Variants in GTPBP3 observed in about 807,000 individuals in gnomAD.
GTPBP3 encodes the protein 5-taurinomethyluridine-[tRNA] synthase subunit GTPB3, mitochondrial.
Under a neutral mutation model 42.0 loss-of-function variants are expected in GTPBP3, and 35 were observed. The observed-to-expected ratio is 0.83, with a 90% CI of 0.64 to 1.10. The LOEUF is 1.10. Ranked by LOEUF, GTPBP3 falls within the 50% of genes least tolerant of loss-of-function variation. The pLI, the probability that GTPBP3 is intolerant of heterozygous loss-of-function variation, is 0.00. For synonymous variants in GTPBP3, 332 were observed against 314.9 expected (o/e 1.05, Z -0.58); for missense variants, 691 against 685.2 (o/e 1.01, Z -0.09).
chr19:17,338,722 G>A lies in GTPBP3; in HGVS notation c.572G>A (p.Trp191Ter). The change falls in exon 4 of 9, where the codon TGG becomes TAG. Residue 191 changes from tryptophan (W) to a stop codon, truncating the protein, a stop_gained. Coordinates refer to ENST00000324894, the MANE Select transcript of GTPBP3 (RefSeq NM_032620.4). LOFTEE classifies it high-confidence loss of function. ...DGELGHLCRGWAETLTKALAH... is the reference protein window; with the variant it reads ...DGELGHLCRG The stretch of plus-strand genomic sequence containing the variant: ...GAGCTGGGCCACCTCTGCCGTGGCT[G>A]GGCCGAGACCCTCACCAAAGCAAGT... 5 of 1,611,170 alleles carry A rather than the reference G, an allele frequency of 3.1e-6. No individual in the cohort carries two copies. Among genetic ancestry groups the A allele is most frequent in the Non-Finnish European group, 4.2e-6 (5 of 1,178,108 alleles).
chr19:17,341,147 C>G lies in GTPBP3; in HGVS notation c.1078C>G (p.Gln360Glu), dbSNP rs2074427161. The G allele has an allele frequency of 3.7e-6, 6 of 1,613,592 alleles. No individual in the cohort carries two copies. Among genetic ancestry groups the G allele is most frequent in the Non-Finnish European group, 5.1e-6 (6 of 1,180,022 alleles). Residue 360 changes from glutamine to glutamate, a missense_variant, in exon 8 of 9, where the codon CAG (glutamine) becomes GAG (glutamate). Coordinates refer to ENST00000324894, the MANE Select transcript of GTPBP3 (RefSeq NM_032620.4). ...LATVVASVGA[Q>E]SPSDSSQRLL... is the part of the protein sequence containing the mutation. ...CACCGTCGTAGCCTCTGTGGGAGCC[C>G]AGAGCCCCAGTGACAGCAGCCAGCG... is the stretch of plus-strand genomic sequence containing the variant.
chr19:17,341,728 A>AGCT lies in GTPBP3; in HGVS notation c.*28_*30dup. The AGCT allele has an allele frequency of 6.5e-7, 1 of 1,535,256 alleles. No homozygotes were observed. The highest frequency in any genetic ancestry group is 1.2e-5 in the South Asian group (1 of 80,666). On this transcript the variant is annotated 3_prime_UTR_variant, in exon 9 of 9. Transcript: ENST00000324894. ...ACGGGATCCAGGGAAGTCGCACCCA[A>AGCT]GCTGCGTGGAGACCCAGGAGCCTCG...
chr19:17,338,136 C>G lies in GTPBP3; in HGVS notation c.182C>G (p.Ala61Gly). Residue 61 changes from alanine (A) to glycine (G), a missense_variant, in exon 2 of 9, where the codon GCC becomes GGC. By Grantham distance (60) the Ala-to-Gly change is moderately conservative. Coordinates refer to ENST00000324894, the MANE Select transcript of GTPBP3 (RefSeq NM_032620.4). Reference protein sequence around the residue: ...IRTSGPASGHALRILTAPRDL... With the variant: ...IRTSGPASGHGLRILTAPRDL... The stretch of plus-strand genomic sequence containing the variant: ...ACCAGCGGCCCCGCCAGCGGCCACG[C>G]CCTCCGAATTCTCACAGCACCCCGA... The G allele has an allele frequency of 6.3e-7, 1 of 1,596,420 alleles. No homozygotes were observed. The highest frequency in any genetic ancestry group is 8.5e-7 in the Non-Finnish European group (1 of 1,178,174).
Position 17,338,943 on chromosome 19 carries a change from TGCCCCGCCAGGCTCTG to T in GTPBP3, c.592-6_601del. On this transcript the variant is annotated splice_acceptor_variant and splice_polypyrimidine_tract_variant and coding_sequence_variant and intron_variant, in exon 5 of 9. Coordinates refer to ENST00000324894, the MANE Select transcript of GTPBP3 (RefSeq NM_032620.4). LOFTEE classifies it high-confidence loss of function. ...GTGCACACACCACCTCTGCTCTCCC[TGCCCCGCCAGGCTCTG>T]GCCCACGTGGAGGCCTATATCGATT... 6.3e-7 allele frequency: 1 copy of T among 1,585,430 alleles called. No individual in the cohort carries two copies. The highest frequency in any genetic ancestry group is 8.6e-7 in the Non-Finnish European group (1 of 1,163,278).
chr19:17,338,094 G>A lies in GTPBP3; in HGVS notation c.140G>A (p.Gly47Asp), dbSNP rs1330352858. 1 of 1,596,898 alleles carries A rather than the reference G, an allele frequency of 6.3e-7. No individual in the cohort carries two copies. The highest frequency in any genetic ancestry group is 8.5e-7 in the Non-Finnish European group (1 of 1,178,990). ...CTAAGCTCTGGCCAAGGCCGCTGCGGCATCGCAGTGATCCGGACCAGCGGC... is the reference window on the plus strand; with the variant it reads ...CTAAGCTCTGGCCAAGGCCGCTGCGACATCGCAGTGATCCGGACCAGCGGC... The part of the protein sequence containing the change: ...FALSSGQGRC[G>D]IAVIRTSGPA... Residue 47 changes from glycine to aspartate, a missense_variant, in exon 2 of 9, where the codon GGC becomes GAC. By Grantham distance (94) the Gly-to-Asp change is moderately conservative. Transcript: ENST00000324894.
At chr19:17,340,798 C>CTGCTGCTGTCCTGTCTGACGG in intron 7 of GTPBP3, 12 of 561,130 alleles carry the variant, frequency 2.1e-5, no homozygotes, top group South Asian at 8.6e-5. Context: ...GCTCCCGCAC[C>CTGCTGCTGTCCTGTCTGACGG]GTGACCGCTC....
chr19:17,339,269 G>A lies in GTPBP3; in HGVS notation c.808+3G>A, dbSNP rs759934387. 31 of 1,599,002 alleles carry A rather than the reference G, an allele frequency of 1.9e-5. No individual in the cohort carries two copies. Among genetic ancestry groups the A allele is most frequent in the South Asian group, 1.9e-4 (17 of 90,140 alleles). On this transcript the variant is annotated splice_donor_region_variant and intron_variant, in intron 6 of 8. Coordinates refer to ENST00000324894, the MANE Select transcript of GTPBP3 (RefSeq NM_032620.4). ...GAGCAGCCTAGTGAACCTGCTCAGT[G>A]AGTAGGCGGCGGGAAGGGGGCGGGG...
chr19:17,338,837 G>A, intron 4 of GTPBP3, 96 bp downstream of exon 4: 3 of 1,533,006 alleles, frequency 2.0e-6, no homozygotes, highest in Non-Finnish European at 2.6e-6. Context: ...TTCCCTGCGT[G>A]AAAGCTTCCG....
chr19:17,337,724 T>C, intron 1 of GTPBP3, 60 bp downstream of exon 1: 1 of 1,404,970 alleles, frequency 7.1e-7, no homozygotes, highest in Non-Finnish European at 9.3e-7. Context: ...CCAGACCCAC[T>C]CCCTGGGTTT....
upstream of GTPBP3, chr19:17,337,245 G>A (rs2074375735): frequency 4.6e-6 from 1 of 215,296 alleles, no homozygotes; most frequent in Admixed American, 5.9e-5. Flanking sequence ...GATGGAAAAT[G>A]CGGGACTCAA....
In GTPBP3 at chr19:17,341,909, C is replaced by T. The variant is rs190751019; in HGVS notation, c.*206C>T. ...CTGGAATGGGGCTGAATGGAGGTCC[C>T]GTTCGACCCTTGATGCTGGGGCATC... On this transcript the variant is annotated 3_prime_UTR_variant, in exon 9 of 9. Coordinates refer to ENST00000324894, the MANE Select transcript of GTPBP3 (RefSeq NM_032620.4). 1.5e-5 allele frequency: 7 copies of T among 458,322 alleles called. No homozygotes were observed. The highest frequency in any genetic ancestry group is 1.9e-5 in the Non-Finnish European group (5 of 262,828). The allele number at this position is 458,322 out of a possible 1,614,324, so 28.4% of individuals were successfully genotyped here.
chr19:17,337,264 C>T (rs748763740), upstream of GTPBP3: 10 of 247,826 alleles, frequency 4.0e-5, no homozygotes, highest in Non-Finnish European at 7.7e-5. Flanking sequence ...AAAACCTCCC[C>T]TCGCTGTAAT....
At position 17,338,157 on chromosome 19, in the gene GTPBP3, CCCGAGA is replaced by C; in HGVS notation, c.206_211del (p.Arg69_Asp70del). On this transcript the variant is annotated inframe_deletion, in exon 2 of 9. Coordinates refer to ENST00000324894, the MANE Select transcript of GTPBP3 (RefSeq NM_032620.4). ...CACGCCCTCCGAATTCTCACAGCAC[CCCGAGA>C]CCTGCCCCTTGCTCGCCACGCCAGC... 1 of 1,594,742 alleles carries C rather than the reference CCCGAGA, an allele frequency of 6.3e-7. No homozygotes were observed. The highest frequency in any genetic ancestry group is 8.5e-7 in the Non-Finnish European group (1 of 1,177,346).
chr19:17,339,299 G>A, intron 6 of GTPBP3, 33 bp downstream of exon 6: 1 of 1,585,906 alleles, frequency 6.3e-7, no homozygotes, highest in Non-Finnish European at 8.6e-7. Context: ...GCGGGGCCTA[G>A]TGCCAGGGGC....
At position 17,341,293 on chromosome 19, in the gene GTPBP3, G is replaced by C. The variant is rs2074429598; in HGVS notation, c.1224G>C (p.Leu408=). 2 of 1,604,076 alleles carry C rather than the reference G, an allele frequency of 1.2e-6. No individual in the cohort carries two copies. Among genetic ancestry groups the C allele is most frequent in the Admixed American group, 1.7e-5 (1 of 59,878 alleles). Residue 408 remains leucine (L), a synonymous_variant, in exon 8 of 9, where the codon CTG becomes CTC. Transcript: ENST00000324894. ...CGGGAGAGGGGCTGGACGGCCTCCT[G>C]GAGGCGCTGAGGAAGGAGCTAGCTG... ...CLTGEGLDGL[L]EALRKELAAV... is the part of the protein sequence containing the mutation.
Position 17,342,069 on chromosome 19 carries a change from C to T in GTPBP3, c.*366C>T, listed in dbSNP as rs2074438132. Reference sequence around the variant, plus strand: ...TATTTTCTTCCCTTCCCTTCCCTTCCCTTTCCTTTTCCCTTTCCCTTTCCC... The same window carrying T: ...TATTTTCTTCCCTTCCCTTCCCTTCTCTTTCCTTTTCCCTTTCCCTTTCCC... On this transcript the variant is annotated 3_prime_UTR_variant, in exon 9 of 9. Coordinates refer to ENST00000324894, the MANE Select transcript of GTPBP3 (RefSeq NM_032620.4). The T allele has an allele frequency of 5.6e-6, 1 of 178,150 alleles. No individual in the cohort carries two copies. Among genetic ancestry groups the T allele is most frequent in the Non-Finnish European group, 1.2e-5 (1 of 86,598 alleles). The allele number at this position is 178,150 out of a possible 1,614,324, so 11.0% of individuals were successfully genotyped here. A position where few individuals can be genotyped will look rare whatever the true frequency, so the allele number is the denominator to read the frequency against.
At chr19:17,339,703 A>G (rs1178299124) in intron 7 of GTPBP3, 104 bp downstream of exon 7, 1 of 1,112,404 alleles carries the variant, frequency 9.0e-7, no homozygotes, top group Admixed American at 2.9e-5. Flanking sequence ...AGAACCTGCT[A>G]AGCCCTATCA....
Position 17,339,281 on chromosome 19 carries a change from G to A in GTPBP3, c.808+15G>A. The A allele has an allele frequency of 6.3e-7, 1 of 1,591,538 alleles. No individual in the cohort carries two copies. Among genetic ancestry groups the A allele is most frequent in the Non-Finnish European group, 8.6e-7 (1 of 1,169,290 alleles). On this transcript the variant is annotated intron_variant, in intron 6 of 8. Coordinates refer to ENST00000324894, the MANE Select transcript of GTPBP3 (RefSeq NM_032620.4). ...GAACCTGCTCAGTGAGTAGGCGGCG[G>A]GAAGGGGGCGGGGCCTAGTGCCAGG...
At chr19:17,337,469 G>A, upstream of GTPBP3, 5 of 1,249,550 alleles carry the variant, frequency 4.0e-6, no homozygotes, top group Non-Finnish European at 4.0e-6. Flanking sequence ...TCAGACGGTG[G>A]GCAGGACGTA....
Sources: allele counts gnomAD v4.1 joint callset, GRCh38; gene constraint gnomAD v4.1.1; transcripts MANE v1.5; gene names NCBI Gene and HGNC (gene_info 2026-07-23, HGNC 2026-07-21).